ATP8B4: variants seen among roughly 807,000 people sequenced by gnomAD.
ATP8B4 encodes probable phospholipid-transporting ATPase IM.
Under a neutral mutation model 145.6 loss-of-function variants are expected in ATP8B4, and 133 were observed. The ratio of observed to expected loss-of-function variants is 0.91; its 90% CI spans 0.79 to 1.05. The LOEUF is 1.05. Ranked by LOEUF, ATP8B4 falls within the 50% of genes least tolerant of loss-of-function variation. The pLI is 0.00. For missense variants in ATP8B4, 1,458 were observed against 1,425.2 expected, an observed-to-expected ratio of 1.02 and a Z score of -0.37; for synonymous variants, 507 against 492.9, an observed-to-expected ratio of 1.03 and a Z score of -0.38.
chr15:49,987,817 T>C (rs2046745294), intron 9 of ATP8B4, among the ~76,000 whole-genome samples: 1 of 128,044 alleles, frequency 7.8e-6, no homozygotes, highest in Non-Finnish European at 1.6e-5. Flanking sequence ...ATTTTTTCCT[T>C]AAAAAAGAAA....
chr15:49,926,871 C>T lies in ATP8B4; in HGVS notation c.1643-3377G>A, dbSNP rs141214612. Among the ~76,000 whole-genome samples, 462 of 152,006 alleles carry T rather than the reference C, an allele frequency of 3.0e-3. 2 individuals carry two copies. The highest frequency in any genetic ancestry group is 0.011 in the African/African-American group (442 of 41,428). On this transcript the variant is annotated intron_variant, in intron 16 of 27. Coordinates refer to ENST00000284509, the MANE Select transcript of ATP8B4 (RefSeq NM_024837.4). ...AAATAATTCTATTTTGCCATATCGC[C>T]GCTGTTCATACATCTACACAGAGAA...
intron 3 of ATP8B4, among the ~76,000 whole-genome samples, chr15:50,053,326 A>C (rs532846242): frequency 6.6e-6 from 1 of 152,354 alleles, no homozygotes; most frequent in Admixed American, 6.5e-5. Flanking sequence ...ATCTAGCAAT[A>C]GACATTCTGC....
intron 1 of ATP8B4, among the ~76,000 whole-genome samples, chr15:50,178,205 C>T (rs78284414): frequency 0.065 from 9,834 of 152,040 alleles, 413 homozygotes; most frequent in Middle Eastern, 0.095. Context: ...AGGAAGGGAC[C>T]GAAATCTTGA....
At chr15:50,107,134 A>T (rs1466589482) in intron 1 of ATP8B4, 126 bp from the exon 2 acceptor site, 1 of 530,468 alleles carries the variant, frequency 1.9e-6, no homozygotes, top group Non-Finnish European at 3.2e-6. Context: ...AAAGAACAAC[A>T]GATTTAATTT....
At chr15:49,905,761 T>A (rs1008823644) in intron 20 of ATP8B4, among the ~76,000 whole-genome samples, 12 of 152,176 alleles carry the variant, frequency 7.9e-5, no homozygotes, top group Non-Finnish European at 2.9e-5. Context: ...TTAGCTTTTT[T>A]CTAATTGTAA....
chr15:49,870,271 C>T (rs1489885454), intron 25 of ATP8B4, among the ~76,000 whole-genome samples: 3 of 151,982 alleles, frequency 2.0e-5, no homozygotes, highest in African/African-American at 2.4e-5. Context: ...TAATTATTAT[C>T]CCCTTTTGTT....
At chr15:49,887,267 C>T (rs913953263) in intron 23 of ATP8B4, among the ~76,000 whole-genome samples, 2 of 151,912 alleles carry the variant, frequency 1.3e-5, no homozygotes, top group African/African-American at 4.8e-5. Context: ...CTAGGACTAG[C>T]TGAGAGGGGC....
At chr15:50,022,707 C>T (rs1182592151) in intron 6 of ATP8B4, among the ~76,000 whole-genome samples, 2 of 152,202 alleles carry the variant, frequency 1.3e-5, no homozygotes, top group East Asian at 1.9e-4. Flanking sequence ...TTTCTAGACC[C>T]GTCAGGTCTG....
chr15:50,178,382 T>G (rs890829495), intron 1 of ATP8B4, among the ~76,000 whole-genome samples: 2 of 152,236 alleles, frequency 1.3e-5, no homozygotes, highest in African/African-American at 4.8e-5. Context: ...TATTTCCCTG[T>G]GGAATTTATG....
At chr15:50,014,652 C>T (rs909984849) in intron 6 of ATP8B4, among the ~76,000 whole-genome samples, 8 of 152,026 alleles carry the variant, frequency 5.3e-5, no homozygotes, top group African/African-American at 1.9e-4. Context: ...ATATTTGGGA[C>T]ACATTTATAC....
intron 2 of ATP8B4, among the ~76,000 whole-genome samples, chr15:50,083,718 C>T (rs568454621): frequency 1.8e-4 from 27 of 152,194 alleles, no homozygotes; most frequent in Non-Finnish European, 3.7e-4. Context: ...AAGCTATAAA[C>T]TGAGTTTCTT....
intron 1 of ATP8B4, among the ~76,000 whole-genome samples, chr15:50,162,316 T>TTA (rs959975449): frequency 6.6e-6 from 1 of 150,706 alleles, no homozygotes; most frequent in East Asian, 1.9e-4. Context: ...ATATCTTTAT[T>TTA]TATATATATA....
intron 6 of ATP8B4, among the ~76,000 whole-genome samples, chr15:50,027,427 C>A (rs1253504193): frequency 1.0e-5 from 1 of 99,384 alleles, no homozygotes; most frequent in Admixed American, 8.9e-5. Flanking sequence ...TGAATCCCTG[C>A]TGCTACTCTC....
At chr15:50,088,319 T>A (rs946479768) in intron 2 of ATP8B4, among the ~76,000 whole-genome samples, 3 of 151,742 alleles carry the variant, frequency 2.0e-5, no homozygotes, top group Non-Finnish European at 4.4e-5. Flanking sequence ...GCACTCCAGC[T>A]TGGGTGACAG....
intron 24 of ATP8B4, among the ~76,000 whole-genome samples, chr15:49,878,240 T>C (rs1052451296): frequency 2.0e-5 from 3 of 152,234 alleles, no homozygotes; most frequent in African/African-American, 4.8e-5. Context: ...CTTGTAAACA[T>C]GGGCGCTGAG....
intron 10 of ATP8B4, among the ~76,000 whole-genome samples, chr15:49,984,317 G>A (rs2046402849): frequency 1.3e-5 from 2 of 152,170 alleles, no homozygotes; most frequent in Admixed American, 1.3e-4. Flanking sequence ...TTAAGACTGT[G>A]TCTCATTCAG....
rs755159123 is a variant in ATP8B4 at position 50,114,103 on chromosome 15, C to CTTTTTTTTTTTTTTTTTTT, written c.-43+5001_-43+5019dup. 5.4e-4 allele frequency among the ~76,000 whole-genome samples: 30 copies of CTTTTTTTTTTTTTTTTTTT among 55,654 alleles called. 2 individuals are homozygous for CTTTTTTTTTTTTTTTTTTT. The highest frequency in any genetic ancestry group is 1.0e-3 in the Admixed American group (3 of 2,958). The allele number at this position is 55,654 out of a possible 152,430, so 36.5% of individuals were successfully genotyped here. A position where few individuals can be genotyped will look rare whatever the true frequency, so the allele number is the denominator to read the frequency against. ...ATTTTCCTTCTTGGTCTCCTAGTTT[C>CTTTTTTTTTTTTTTTTTTT]TTTTTTTTTTTTTTTTTTTTTTTTT... On this transcript the variant is annotated intron_variant, in intron 1 of 27. Transcript: ENST00000284509.
At chr15:50,142,840 G>C (rs2044229976) in intron 1 of ATP8B4, among the ~76,000 whole-genome samples, 1 of 152,182 alleles carries the variant, frequency 6.6e-6, no homozygotes, top group Non-Finnish European at 1.5e-5. Flanking sequence ...GCAAAGCCAA[G>C]ACTCAATTAC....
intron 23 of ATP8B4, among the ~76,000 whole-genome samples, chr15:49,889,941 T>C (rs1034001453): frequency 6.6e-6 from 1 of 152,250 alleles, no homozygotes; most frequent in African/African-American, 2.4e-5. Flanking sequence ...TTATGAATCA[T>C]GCTGTGATTT....
Sources: gnomAD v4.1 joint callset for allele counts (sites outside exome capture counted in the v4.1 genomes callset) on GRCh38, gnomAD v4.1.1 for gene constraint, MANE v1.5 for transcripts, NCBI Gene and HGNC (gene_info 2026-07-23, HGNC 2026-07-21) for gene names.